The following HFM1 variants were observed in gnomAD, a reference collection of about 807,000 sequenced individuals.
HFM1 encodes helicase for meiosis 1.
HFM1 carries 169 observed loss-of-function variants against 192.1 expected under a neutral mutation model. The observed-to-expected ratio is 0.88, with a 90% CI of 0.78 to 1.00. The LOEUF is 1.00. Ranked by LOEUF, HFM1 falls within the 50% of genes least tolerant of loss-of-function variation. The pLI is 0.00. For missense variants in HFM1, 1,661 were observed against 1,668.0 expected, an observed-to-expected ratio of 1.00 and a Z score of 0.07; for synonymous variants, 525 against 537.8, an observed-to-expected ratio of 0.98 and a Z score of 0.33.
At chr1:91,310,225 A>T (rs430649) in intron 30 of HFM1, among the ~76,000 whole-genome samples, 152,055 of 152,236 alleles carry the variant, frequency 1, 75,937 homozygotes, top group Non-Finnish European at 1. Flanking sequence ...TTAGATAGAG[A>T]TATATTGAAA....
Position 91,379,103 on chromosome 1 carries a change from A to ATT in HFM1, c.1117_1118insAA (p.Leu373GlnfsTer12). 1 of 1,598,742 alleles carries ATT rather than the reference A, an allele frequency of 6.3e-7. No individual in the cohort carries two copies. The highest frequency in any genetic ancestry group is 1.1e-5 in the South Asian group (1 of 88,582). ...AATATGGGCATGCTGAATCTCAAAT[A>ATT]GATCATCCATTACTGTATCTCCAGT... On this transcript the variant is annotated frameshift_variant, in exon 9 of 39. Coordinates refer to ENST00000370425, the MANE Select transcript of HFM1 (RefSeq NM_001017975.6). LOFTEE classifies it high-confidence loss of function.
chr1:91,313,534 C>A, intron 29 of HFM1, 39 bp from the exon 30 acceptor site: 2 of 1,412,006 alleles, frequency 1.4e-6, no homozygotes, highest in South Asian at 1.5e-5. Flanking sequence ...GTTTATTTGT[C>A]ATATAAATCC....
intron 16 of HFM1, 127 bp from the exon 17 acceptor site, chr1:91,351,770 C>T: frequency 2.4e-6 from 1 of 424,252 alleles, no homozygotes; most frequent in Non-Finnish European, 4.2e-6. Context: ...TCAAAAAGGC[C>T]TTAAAAATGC....
At chr1:91,365,206 A>G (rs11165092) in intron 13 of HFM1, among the ~76,000 whole-genome samples, 2,572 of 152,238 alleles carry the variant, frequency 0.017, 67 homozygotes, top group African/African-American at 0.059. Flanking sequence ...AAGGGTGGGA[A>G]CGGGGGAAGA....
In HFM1 at chr1:91,379,113, T is replaced by C; in HGVS notation, c.1108A>G (p.Met370Val). 1 of 1,605,152 alleles carries C rather than the reference T, an allele frequency of 6.2e-7. No individual in the cohort carries two copies. The highest frequency in any genetic ancestry group is 8.5e-7 in the Non-Finnish European group (1 of 1,174,348). The change falls in exon 9 of 39, where the codon ATG becomes GTG. Residue 370 changes from methionine (M) to valine (V), a missense_variant. Coordinates refer to ENST00000370425, the MANE Select transcript of HFM1 (RefSeq NM_001017975.6). ...TGCTGAATCTCAAATAGATCATCCA[T>C]TACTGTATCTCCAGTAAGTTCTTTA... The part of the protein sequence containing the change: ...NCKELTGDTV[M>V]DDLFEIQHAH...
intron 20 of HFM1, among the ~76,000 whole-genome samples, chr1:91,325,801 C>T (rs1011469099): frequency 6.6e-6 from 1 of 152,040 alleles, no homozygotes; most frequent in Non-Finnish European, 1.5e-5. Context: ...AGATATGTGA[C>T]CTTTCAGACA....
chr1:91,348,697 A>G (rs1333769982), intron 18 of HFM1, among the ~76,000 whole-genome samples: 1 of 151,764 alleles, frequency 6.6e-6, no homozygotes, highest in Admixed American at 6.6e-5. Flanking sequence ...AAATCAGAGG[A>G]TTGCTTGAGC....
chr1:91,289,310 C>T (rs964919558), intron 30 of HFM1, among the ~76,000 whole-genome samples: 4 of 151,694 alleles, frequency 2.6e-5, no homozygotes, highest in Non-Finnish European at 4.4e-5. Context: ...GATGGGCGGC[C>T]GGGCAGAGAT....
At chr1:91,394,048 C>T (rs2102144462) in intron 4 of HFM1, 45 bp downstream of exon 4, 1 of 1,085,486 alleles carries the variant, frequency 9.2e-7, no homozygotes, top group East Asian at 2.7e-5. Context: ...TACAAATATT[C>T]AACTTTATTC....
chr1:91,372,288 CGT>C (rs1660326403), intron 13 of HFM1, among the ~76,000 whole-genome samples: 1 of 152,132 alleles, frequency 6.6e-6, no homozygotes, highest in African/African-American at 2.4e-5. Flanking sequence ...CACATGTGCA[CGT>C]GTGTTTATTG....
At chr1:91,287,391 G>A (rs1409191842) in intron 30 of HFM1, among the ~76,000 whole-genome samples, 4 of 152,212 alleles carry the variant, frequency 2.6e-5, no homozygotes, top group East Asian at 3.9e-4. Context: ...GCACCCCCTA[G>A]CAGGGGCAGA....
At position 91,354,226 on chromosome 1, in the gene HFM1, A is replaced by G. The variant is rs536249711; in HGVS notation, c.1686-927T>C. On this transcript the variant is annotated intron_variant, in intron 13 of 38. Transcript: ENST00000370425. ...TAGAGAGCTTCAACAGCAAACCAAA[A>G]CAAGCAGAAGAAAGAATCTGTGAAA... is the stretch of plus-strand genomic sequence containing the variant. 2.4e-4 allele frequency among the ~76,000 whole-genome samples: 37 copies of G among 151,878 alleles called. 1 individual carries two copies. Among genetic ancestry groups the G allele is most frequent in the African/African-American group, 8.7e-4 (36 of 41,526 alleles).
Position 91,274,097 on chromosome 1 carries a change from A to G in HFM1, c.3669-282T>C, listed in dbSNP as rs566880464. Among the ~76,000 whole-genome samples the G allele has an allele frequency of 2.0e-5, 3 of 152,082 alleles. No homozygotes were observed. The East Asian group carries it at 5.8e-4, about 30-fold the overall frequency. On this transcript the variant is annotated intron_variant, in intron 33 of 38. Coordinates refer to ENST00000370425, the MANE Select transcript of HFM1 (RefSeq NM_001017975.6). ...CTGTTCTGTACTAGTTGTTAAATAC[A>G]TTGAATGTCATTCCTGCATATAGAA...
intron 4 of HFM1, among the ~76,000 whole-genome samples, chr1:91,392,060 C>G (rs534917165): frequency 1.3e-5 from 2 of 152,264 alleles, no homozygotes; most frequent in East Asian, 3.9e-4. Flanking sequence ...CCATCTCACA[C>G]CAGTTAGAAT....
Position 91,375,672 on chromosome 1 carries a change from T to C in HFM1, c.1451A>G (p.Glu484Gly). Residue 484 changes from glutamate (E) to glycine (G), a missense_variant, in exon 12 of 39, where the codon GAG becomes GGG. Transcript: ENST00000370425. ...ERPAVCLKMD[E>G]SHRPVKLQKV... ...CTGAAGTTTCACTGGTCTATGGCTC[T>C]CATCCATTTTCAGACACACAGCTGG... is the stretch of plus-strand genomic sequence containing the variant. 6.2e-7 allele frequency: 1 copy of C among 1,613,398 alleles called. No individual in the cohort carries two copies. Among genetic ancestry groups the C allele is most frequent in the Non-Finnish European group, 8.5e-7 (1 of 1,179,528 alleles).
chr1:91,379,503 T>C (rs1194188494), intron 8 of HFM1, among the ~76,000 whole-genome samples: 1 of 152,154 alleles, frequency 6.6e-6, no homozygotes, highest in Non-Finnish European at 1.5e-5. Flanking sequence ...TTTACAAACA[T>C]TACAAATTTG....
chr1:91,320,255 C>T (rs765607639), intron 23 of HFM1, among the ~76,000 whole-genome samples: 14 of 152,132 alleles, frequency 9.2e-5, no homozygotes, highest in African/African-American at 1.2e-4. Context: ...TTCATGATTT[C>T]GTTTAGCACA....
chr1:91,290,616 C>A (rs1668634475), intron 30 of HFM1, among the ~76,000 whole-genome samples: 1 of 152,056 alleles, frequency 6.6e-6, no homozygotes, highest in Non-Finnish European at 1.5e-5. Flanking sequence ...ACTTTAACAC[C>A]CCACTGTCAA....
At chr1:91,302,315 A>G (rs928351352) in intron 30 of HFM1, among the ~76,000 whole-genome samples, 1 of 151,928 alleles carries the variant, frequency 6.6e-6, no homozygotes, top group African/African-American at 2.4e-5. Flanking sequence ...AGAAATAGGA[A>G]CACTTTTACG....
Sources: allele counts gnomAD v4.1 joint callset (sites outside exome capture counted in the v4.1 genomes callset), GRCh38; gene constraint gnomAD v4.1.1; transcripts MANE v1.5; gene names NCBI Gene and HGNC (gene_info 2026-07-23, HGNC 2026-07-21).